Variants in PTPRD observed in about 807,000 individuals in gnomAD.
The protein encoded by PTPRD is protein tyrosine phosphatase receptor type D.
A neutral mutation model predicts 214.5 loss-of-function variants in PTPRD; 34 were observed. The ratio of observed to expected loss-of-function variants is 0.16; its 90% CI spans 0.12 to 0.21. PTPRD has a LOEUF of 0.21. Among genes scored for constraint, PTPRD ranks in the 10% least tolerant of loss-of-function variants. The pLI is 1.00. For synonymous variants in PTPRD, 1,128 were observed against 845.7 expected (o/e 1.33, Z -5.79); for missense variants, 2,545 against 2,398.7 (o/e 1.06, Z -1.27).
intron 5 of PTPRD, among the ~76,000 whole-genome samples, chr9:9,821,088 T>A (rs2050555182): frequency 6.6e-6 from 1 of 152,198 alleles, no homozygotes. Context: ...TTTAATGACA[T>A]TGATTATTTC....
intron 11 of PTPRD, among the ~76,000 whole-genome samples, chr9:8,846,177 A>G (rs1311854461): frequency 6.6e-6 from 1 of 152,192 alleles, no homozygotes; most frequent in African/African-American, 2.4e-5. Flanking sequence ...ACTCAAAATA[A>G]TATAAAATTA....
chr9:10,453,810 T>G (rs2098874735), intron 2 of PTPRD, among the ~76,000 whole-genome samples: 1 of 151,646 alleles, frequency 6.6e-6, no homozygotes, highest in African/African-American at 2.4e-5. Context: ...TGCCTAATTG[T>G]TGTTTAGGAT....
chr9:9,803,854 A>T (rs2099056935), intron 5 of PTPRD: 1 of 152,054 alleles, frequency 6.6e-6, no homozygotes, highest in Non-Finnish European at 1.5e-5. Flanking sequence ...ATGAAATATC[A>T]GAAAGATCCT....
chr9:9,511,099 T>C (rs985305171), intron 8 of PTPRD, among the ~76,000 whole-genome samples: 1 of 151,768 alleles, frequency 6.6e-6, no homozygotes, highest in South Asian at 2.1e-4. Context: ...TCAAAAGAAA[T>C]GTGTGTGATT....
At chr9:10,317,987 T>G (rs369135599) in intron 3 of PTPRD, among the ~76,000 whole-genome samples, 1 of 152,098 alleles carries the variant, frequency 6.6e-6, no homozygotes, top group African/African-American at 2.4e-5. Context: ...CCTGTTTTTT[T>G]ATCTAAAATT....
At chr9:9,703,043 C>G (rs1376156392) in intron 7 of PTPRD, among the ~76,000 whole-genome samples, 1 of 152,110 alleles carries the variant, frequency 6.6e-6, no homozygotes, top group African/African-American at 2.4e-5. Flanking sequence ...AATTGTAATC[C>G]TCATAATCCT....
chr9:10,131,058 G>A (rs1378413736), intron 3 of PTPRD, among the ~76,000 whole-genome samples: 1 of 152,118 alleles, frequency 6.6e-6, no homozygotes. Flanking sequence ...CACAAAACAA[G>A]AACAAAAAGA....
chr9:8,405,496 A>G (rs1479283261), intron 35 of PTPRD, among the ~76,000 whole-genome samples: 1 of 152,120 alleles, frequency 6.6e-6, no homozygotes, highest in East Asian at 1.9e-4. Flanking sequence ...ATGTAATTTA[A>G]AAATATTTAA....
chr9:8,954,526 G>A (rs1254481998), intron 11 of PTPRD, among the ~76,000 whole-genome samples: 2 of 122,928 alleles, frequency 1.6e-5, no homozygotes, highest in Non-Finnish European at 3.9e-5. Flanking sequence ...GAAGAAAGTG[G>A]TAAACATGGA....
At chr9:10,270,587 T>C (rs964310330) in intron 3 of PTPRD, among the ~76,000 whole-genome samples, 1 of 152,218 alleles carries the variant, frequency 6.6e-6, no homozygotes. Context: ...CTGACTTCCA[T>C]ACCAGATTTT....
intron 3 of PTPRD, among the ~76,000 whole-genome samples, chr9:10,069,775 A>G (rs2097960124): frequency 1.3e-5 from 2 of 152,070 alleles, no homozygotes; most frequent in Non-Finnish European, 2.9e-5. Flanking sequence ...ACACTTTGAC[A>G]ATTATGACAA....
At chr9:8,332,732 C>T (rs1312433962) in intron 43 of PTPRD, among the ~76,000 whole-genome samples, 1 of 152,102 alleles carries the variant, frequency 6.6e-6, no homozygotes, top group Non-Finnish European at 1.5e-5. Flanking sequence ...TTTATAGAAG[C>T]AGAAATAATA....
intron 3 of PTPRD, among the ~76,000 whole-genome samples, chr9:10,212,804 G>T (rs2099523273): frequency 6.6e-6 from 1 of 152,124 alleles, no homozygotes; most frequent in Non-Finnish European, 1.5e-5. Flanking sequence ...TTCACCCACA[G>T]AATCAAGGAG....
At chr9:8,437,288 C>CAA (rs201564000) in intron 34 of PTPRD, 56 of 1,296,254 alleles carry the variant, frequency 4.3e-5, no homozygotes, top group South Asian at 3.2e-4. Flanking sequence ...ACAAATTCTT[C>CAA]AAAAAAAAAT....
chr9:10,260,621 A>G (rs1014671593), intron 3 of PTPRD, among the ~76,000 whole-genome samples: 4 of 152,180 alleles, frequency 2.6e-5, no homozygotes, highest in African/African-American at 9.7e-5. Context: ...CTAAATCTGT[A>G]GTCATGCAGT....
chr9:9,851,370 A>AT (rs2060513361), intron 5 of PTPRD, among the ~76,000 whole-genome samples: 1 of 152,178 alleles, frequency 6.6e-6, no homozygotes, highest in African/African-American at 2.4e-5. Flanking sequence ...AATAACTGTT[A>AT]TATCTGTTCC....
chr9:8,331,858 G>GAACATGTTT (rs576134736), intron 43 of PTPRD, 122 bp from the exon 44 acceptor site: 173 of 1,201,158 alleles, frequency 1.4e-4, no homozygotes, highest in Non-Finnish European at 1.3e-4. Context: ...AAAAAGTTAG[G>GAACATGTTT]AACATGTTTA....
chr9:9,352,295 A>G (rs1180923571), intron 9 of PTPRD, among the ~76,000 whole-genome samples: 2 of 151,080 alleles, frequency 1.3e-5, no homozygotes, highest in Non-Finnish European at 3.0e-5. Context: ...AACACAAACA[A>G]TACTGCCAAA....
chr9:10,195,260 C>A (rs1424821388), intron 3 of PTPRD, among the ~76,000 whole-genome samples: 1 of 152,050 alleles, frequency 6.6e-6, no homozygotes, highest in Non-Finnish European at 1.5e-5. Flanking sequence ...CTCTATGTCT[C>A]ACTTTCCTCA....
Sources: allele counts gnomAD v4.1 joint callset (sites outside exome capture counted in the v4.1 genomes callset), GRCh38; gene constraint gnomAD v4.1.1; transcripts MANE v1.5; gene names NCBI Gene and HGNC (gene_info 2026-07-23, HGNC 2026-07-21).